Variants in CDH18 observed in about 807,000 individuals in gnomAD.
CDH18 encodes the protein cadherin-18.
Under a neutral mutation model 67.9 loss-of-function variants are expected in CDH18, and 31 were observed. That is an observed-to-expected ratio of 0.46 (90% CI 0.34 to 0.62). The LOEUF (loss-of-function observed/expected upper bound fraction) is 0.62. Ranked by LOEUF, CDH18 falls within the 20% of genes least tolerant of loss-of-function variation. The probability of loss-of-function intolerance (pLI) is 0.01; values close to 1 mark genes in which losing one functional copy is unlikely to be tolerated. For missense variants in CDH18, 890 were observed against 975.5 expected, an observed-to-expected ratio of 0.91 and a Z score of 1.17; for synonymous variants, 362 against 347.2, an observed-to-expected ratio of 1.04 and a Z score of -0.48.
At chr5:19,831,445 C>A (rs1282526540) in intron 3 of CDH18, among the ~76,000 whole-genome samples, 1 of 151,768 alleles carries the variant, frequency 6.6e-6, no homozygotes, top group African/African-American at 2.4e-5. Flanking sequence ...AAAAATGGGA[C>A]ATAAACAGAC....
intron 3 of CDH18, among the ~76,000 whole-genome samples, chr5:19,785,913 T>A (rs902638313): frequency 6.6e-6 from 1 of 151,280 alleles, no homozygotes; most frequent in Non-Finnish European, 1.5e-5. Flanking sequence ...AATTTACATG[T>A]TCAGTAAATG....
At chr5:19,958,086 C>T (rs1030309378) in intron 2 of CDH18, among the ~76,000 whole-genome samples, 2 of 151,456 alleles carry the variant, frequency 1.3e-5, no homozygotes, top group African/African-American at 4.9e-5. Flanking sequence ...GATGGCTGGC[C>T]CAGCCATTAC....
chr5:19,996,073 T>C (rs1735990678), intron 2 of CDH18, among the ~76,000 whole-genome samples: 1 of 152,148 alleles, frequency 6.6e-6, no homozygotes. Context: ...TTTATTAATA[T>C]TCAATGAATC....
intron 9 of CDH18, among the ~76,000 whole-genome samples, chr5:19,539,962 G>A (rs1298948136): frequency 3.3e-5 from 5 of 152,064 alleles, no homozygotes; most frequent in African/African-American, 1.2e-4. Flanking sequence ...CTTCCCAGCA[G>A]TCCTCCAAAG....
At chr5:19,941,234 T>C (rs2150231681) in intron 2 of CDH18, among the ~76,000 whole-genome samples, 1 of 152,156 alleles carries the variant, frequency 6.6e-6, no homozygotes, top group African/African-American at 2.4e-5. Flanking sequence ...AAAAGGGTGT[T>C]CACTAGACAT....
At chr5:19,621,617 A>G (rs1750721717) in intron 5 of CDH18, among the ~76,000 whole-genome samples, 1 of 152,140 alleles carries the variant, frequency 6.6e-6, no homozygotes, top group South Asian at 2.1e-4. Flanking sequence ...GAATCTGAAA[A>G]TGTCAAACTC....
intron 8 of CDH18, among the ~76,000 whole-genome samples, chr5:19,553,190 A>G (rs1286307557): frequency 1.3e-5 from 2 of 152,188 alleles, no homozygotes; most frequent in Non-Finnish European, 2.9e-5. Context: ...GTGATAATCA[A>G]TACTCATATT....
At chr5:20,374,072 T>C (rs1033142656) in intron 1 of CDH18, among the ~76,000 whole-genome samples, 7 of 152,124 alleles carry the variant, frequency 4.6e-5, no homozygotes, top group African/African-American at 1.7e-4. Flanking sequence ...CATTGAATGC[T>C]CTCCCTGGGC....
At chr5:19,922,796 G>T (rs1341899379) in intron 2 of CDH18, among the ~76,000 whole-genome samples, 1 of 152,028 alleles carries the variant, frequency 6.6e-6, no homozygotes, top group African/African-American at 2.4e-5. Context: ...AAGAATAAAA[G>T]AATTGAACAA....
chr5:20,224,074 T>A (rs1442610637), intron 2 of CDH18, among the ~76,000 whole-genome samples: 3 of 152,208 alleles, frequency 2.0e-5, no homozygotes, highest in Non-Finnish European at 4.4e-5. Flanking sequence ...GGTTTCTTAT[T>A]CAAAATTGTG....
intron 2 of CDH18, among the ~76,000 whole-genome samples, chr5:19,979,030 A>T (rs1798768621): frequency 6.6e-6 from 1 of 152,138 alleles, no homozygotes; most frequent in Admixed American, 6.6e-5. Flanking sequence ...ATATGTTTGA[A>T]GTATTGTTGT....
intron 3 of CDH18, among the ~76,000 whole-genome samples, chr5:19,826,121 G>T (rs1780379816): frequency 8.9e-6 from 1 of 111,950 alleles, no homozygotes; most frequent in African/African-American, 3.1e-5. Flanking sequence ...ACCAAGCTGA[G>T]GAAATAATCT....
chr5:19,506,313 T>G (rs867979856), intron 10 of CDH18, among the ~76,000 whole-genome samples: 1 of 151,992 alleles, frequency 6.6e-6, no homozygotes, highest in East Asian at 1.9e-4. Flanking sequence ...GAATCAATAT[T>G]GTGAAAATGG....
At chr5:20,344,873 C>T (rs373763776) in intron 1 of CDH18, among the ~76,000 whole-genome samples, 6 of 152,196 alleles carry the variant, frequency 3.9e-5, no homozygotes, top group East Asian at 1.9e-4. Flanking sequence ...GGCCTATTGA[C>T]ATTCTTTCTC....
At chr5:20,400,780 A>C (rs1461965980) in intron 1 of CDH18, among the ~76,000 whole-genome samples, 1 of 152,192 alleles carries the variant, frequency 6.6e-6, no homozygotes, top group African/African-American at 2.4e-5. Flanking sequence ...AAGCCAAGTA[A>C]TCAAACAAAT....
At chr5:19,623,648 AT>A (rs1222290435) in intron 5 of CDH18, among the ~76,000 whole-genome samples, 2 of 151,884 alleles carry the variant, frequency 1.3e-5, no homozygotes, top group Non-Finnish European at 2.9e-5. Context: ...CTTTATGTAG[AT>A]TTTTTTAGTC....
intron 2 of CDH18, among the ~76,000 whole-genome samples, chr5:20,237,136 A>C (rs895170396): frequency 8.6e-5 from 13 of 151,990 alleles, no homozygotes; most frequent in Non-Finnish European, 1.5e-4. Flanking sequence ...ATTCCTAATG[A>C]AAATTCTCAA....
chr5:19,634,757 G>A (rs557022193), intron 5 of CDH18, among the ~76,000 whole-genome samples: 3 of 152,028 alleles, frequency 2.0e-5, no homozygotes, highest in African/African-American at 7.2e-5. Flanking sequence ...GACCAAAATG[G>A]AGAAACTCTG....
intron 2 of CDH18, among the ~76,000 whole-genome samples, chr5:19,917,444 C>CT (rs1791951748): frequency 6.6e-6 from 1 of 150,596 alleles, no homozygotes; most frequent in Non-Finnish European, 1.5e-5. Flanking sequence ...CTTTTAGCAA[C>CT]TAGGTATGTT....
Sources: allele counts gnomAD v4.1 joint callset (sites outside exome capture counted in the v4.1 genomes callset), GRCh38; gene constraint gnomAD v4.1.1; transcripts MANE v1.5; gene names NCBI Gene and HGNC (gene_info 2026-07-23, HGNC 2026-07-21).